SLC5A4: variants seen among roughly 807,000 people sequenced by gnomAD.
SLC5A4 encodes the protein solute carrier family 5 member 4.
SLC5A4 carries 55 observed loss-of-function variants against 70.3 expected under a neutral mutation model. The ratio of observed to expected loss-of-function variants is 0.78; its 90% confidence interval spans 0.63 to 0.98. SLC5A4 has a LOEUF of 0.98. Ranked by LOEUF, SLC5A4 falls within the 50% of genes least tolerant of loss-of-function variation. The probability of loss-of-function intolerance (pLI) is 0.00; values close to 1 mark genes in which losing one functional copy is unlikely to be tolerated. For missense variants in SLC5A4, 735 were observed against 839.2 expected, an observed-to-expected ratio of 0.88 and a Z score of 1.53; for synonymous variants, 268 against 305.7, an observed-to-expected ratio of 0.88 and a Z score of 1.29.
At chr22:32,294,834 T>G in the SLC5A4 span, among the ~76,000 whole-genome samples, 1 of 70,914 alleles carries the variant, frequency 1.4e-5, no homozygotes, top group Non-Finnish European at 2.7e-5. Flanking sequence ...CCCACAACAG[T>G]CCCCAGAGTG....
the SLC5A4 span, among the ~76,000 whole-genome samples, chr22:32,282,001 G>C: frequency 2.0e-5 from 3 of 152,014 alleles, no homozygotes; most frequent in Non-Finnish European, 2.9e-5. Context: ...GTGCCACCAC[G>C]CCTGGCTATT....
chr22:32,272,926 C>T, the SLC5A4 span: 104 of 530,328 alleles, frequency 2.0e-4, no homozygotes, highest in Middle Eastern at 3.0e-4. Context: ...CCGCACCTTC[C>T]GGATGCTGCG....
At position 32,255,175 on chromosome 22, in the gene SLC5A4, G is replaced by C. The variant is rs759841885; in HGVS notation, c.135+20C>G. ...CCTAAACCTTGTGCCCACCCTAAAA[G>C]CCACTGGGATTCCACCTACCCACAG... On this transcript the variant is annotated intron_variant, in intron 1 of 14. Coordinates refer to ENST00000266086, the MANE Select transcript of SLC5A4 (RefSeq NM_014227.3). 39 of 1,609,132 alleles carry C rather than the reference G, an allele frequency of 2.4e-5. No homozygotes were observed. Among genetic ancestry groups the C allele is most frequent in the Non-Finnish European group, 3.2e-5 (38 of 1,177,348 alleles).
At chr22:32,329,660 T>G in the SLC5A4 span, among the ~76,000 whole-genome samples, 1 of 73,462 alleles carries the variant, frequency 1.4e-5, no homozygotes. Context: ...TTGGGGGCTC[T>G]GGTGTGTGTG....
chr22:32,336,710 A>G, the SLC5A4 span, among the ~76,000 whole-genome samples: 2 of 152,212 alleles, frequency 1.3e-5, no homozygotes, highest in Non-Finnish European at 2.9e-5. Flanking sequence ...CCTCTTCAAA[A>G]TGACTTTTCC....
chr22:32,295,129 G>T, the SLC5A4 span, among the ~76,000 whole-genome samples: 1 of 107,506 alleles, frequency 9.3e-6, no homozygotes, highest in African/African-American at 3.4e-5. Flanking sequence ...AAACATACAT[G>T]TGCATGTATC....
At chr22:32,340,066 C>T in the SLC5A4 span, among the ~76,000 whole-genome samples, 11 of 152,204 alleles carry the variant, frequency 7.2e-5, no homozygotes, top group African/African-American at 2.2e-4. Context: ...AGAAGGATGT[C>T]GGCTTTGGAG....
chr22:32,269,764 GAATCCCCCTGGACTGC>G, the SLC5A4 span: 1 of 668,938 alleles, frequency 1.5e-6, no homozygotes, highest in South Asian at 1.4e-5. The surrounding 1 kb of genome is among the most constrained non-coding windows in gnomAD (Gnocchi z 4.1). Flanking sequence ...CTGGGTGTGT[GAATCCCCCTGGACTGC>G]GCCCAGGCCA....
chr22:32,322,735 T>C, the SLC5A4 span, among the ~76,000 whole-genome samples: 145 of 152,280 alleles, frequency 9.5e-4, 1 homozygote, highest in African/African-American at 3.4e-3. Flanking sequence ...GGCTTGTGCA[T>C]GGCATGGCTG....
the SLC5A4 span, among the ~76,000 whole-genome samples, chr22:32,268,010 G>C: frequency 8.5e-5 from 13 of 152,268 alleles, no homozygotes; most frequent in Non-Finnish European, 1.8e-4. Context: ...TGTAGTCCCA[G>C]GTACTTGGGA....
the SLC5A4 span, among the ~76,000 whole-genome samples, chr22:32,282,029 G>C: frequency 6.6e-6 from 1 of 151,840 alleles, no homozygotes; most frequent in Non-Finnish European, 1.5e-5. Context: ...TTTTAGTAGA[G>C]ACGGCGTTTC....
chr22:32,322,164 C>A, the SLC5A4 span, among the ~76,000 whole-genome samples: 1 of 152,178 alleles, frequency 6.6e-6, no homozygotes, highest in Non-Finnish European at 1.5e-5. Context: ...AGAATGAAGC[C>A]TGGCTGACTC....
chr22:32,294,296 T>G, the SLC5A4 span, among the ~76,000 whole-genome samples: 12 of 152,230 alleles, frequency 7.9e-5, no homozygotes, highest in Non-Finnish European at 1.3e-4. Flanking sequence ...TATCTTCAGG[T>G]TGATTAATTA....
At chr22:32,307,476 A>C in the SLC5A4 span, among the ~76,000 whole-genome samples, 3 of 152,314 alleles carry the variant, frequency 2.0e-5, no homozygotes, top group Admixed American at 6.5e-5. Context: ...AATGGTTCCC[A>C]GAAGGGCCCT....
At chr22:32,308,941 CCTT>C in the SLC5A4 span, among the ~76,000 whole-genome samples, 3 of 152,188 alleles carry the variant, frequency 2.0e-5, no homozygotes, top group Non-Finnish European at 2.9e-5. Flanking sequence ...TTCCTTCCTT[CCTT>C]CTTACCTACC....
intron 3 of SLC5A4, among the ~76,000 whole-genome samples, chr22:32,250,634 T>C (rs1927085262): frequency 6.6e-6 from 1 of 152,238 alleles, no homozygotes; most frequent in African/African-American, 2.4e-5. Context: ...TAAATCATTC[T>C]ACTATAAACA....
the SLC5A4 span, among the ~76,000 whole-genome samples, chr22:32,298,112 G>GA: frequency 1.5e-5 from 2 of 135,938 alleles, no homozygotes; most frequent in African/African-American, 2.8e-5. Context: ...GTGTGGTGCT[G>GA]AAAAAAATGT....
chr22:32,341,468 G>GA, the SLC5A4 span, among the ~76,000 whole-genome samples: 1 of 152,182 alleles, frequency 6.6e-6, no homozygotes, highest in Non-Finnish European at 1.5e-5. Flanking sequence ...CCACTTTGGT[G>GA]AACTCCTAGC....
chr22:32,228,587 G>A lies in SLC5A4; in HGVS notation c.1280+607C>T, dbSNP rs887241403. Among the ~76,000 whole-genome samples, 28 of 151,586 alleles carry A rather than the reference G, an allele frequency of 1.8e-4. 1 individual carries two copies. Among genetic ancestry groups the A allele is most frequent in the African/African-American group, 6.5e-4 (27 of 41,326 alleles). Reference sequence around the variant, plus strand: ...ACAATATAGGGTCTTCTCGAAAATTGTGAAGGTGAAAAAGGACATTCTGGT... The same window carrying A: ...ACAATATAGGGTCTTCTCGAAAATTATGAAGGTGAAAAAGGACATTCTGGT... On this transcript the variant is annotated intron_variant, in intron 11 of 14. Coordinates refer to ENST00000266086, the MANE Select transcript of SLC5A4 (RefSeq NM_014227.3).
Sources: gnomAD v4.1 joint callset for allele counts (sites outside exome capture counted in the v4.1 genomes callset) on GRCh38, gnomAD v4.1.1 for gene constraint, Gnocchi (gnomAD v3.1) non-coding constraint, MANE v1.5 for transcripts, NCBI Gene and HGNC (gene_info 2026-07-23, HGNC 2026-07-21) for gene names.